Variants in COMMD10 observed in about 807,000 individuals in gnomAD.
COMMD10 encodes COMM domain containing 10, also known as COMM domain-containing protein 10.
Under a neutral mutation model 28.9 loss-of-function variants are expected in COMMD10, and 33 were observed. That is an observed-to-expected ratio of 1.14 (90% CI 0.87 to 1.53). The LOEUF is 1.53. Ranked by LOEUF, COMMD10 falls within the 40% of genes most tolerant of loss-of-function variation. The pLI, the probability that COMMD10 is intolerant of heterozygous loss-of-function variation, is 0.00. For missense variants in COMMD10, 310 were observed against 233.4 expected, an observed-to-expected ratio of 1.33 and a Z score of -2.14; for synonymous variants, 110 against 81.7, an observed-to-expected ratio of 1.35 and a Z score of -1.87.
intron 5 of COMMD10, among the ~76,000 whole-genome samples, chr5:116,149,662 A>G (rs1292741018): frequency 1.3e-5 from 2 of 150,786 alleles, no homozygotes; most frequent in Non-Finnish European, 3.0e-5. Flanking sequence ...TTCTTTTGAG[A>G]AGTGTCTGTT....
intron 4 of COMMD10, among the ~76,000 whole-genome samples, chr5:116,123,127 C>T (rs1751499856): frequency 6.6e-6 from 1 of 151,880 alleles, no homozygotes; most frequent in Admixed American, 6.6e-5. Context: ...TCATAAATAG[C>T]TCTTATTATT....
chr5:116,141,380 C>T (rs1190185195), intron 5 of COMMD10, among the ~76,000 whole-genome samples: 1 of 151,384 alleles, frequency 6.6e-6, no homozygotes, highest in Non-Finnish European at 1.5e-5. Context: ...CTTTGTTTTA[C>T]TTTCTCAAGA....
intron 5 of COMMD10, among the ~76,000 whole-genome samples, chr5:116,243,383 G>T (rs925511709): frequency 6.6e-6 from 1 of 152,040 alleles, no homozygotes. Flanking sequence ...TACATCCACT[G>T]CCAGAAAATA....
At chr5:116,233,660 G>T (rs907035405) in intron 5 of COMMD10, among the ~76,000 whole-genome samples, 2 of 152,142 alleles carry the variant, frequency 1.3e-5, no homozygotes, top group Non-Finnish European at 2.9e-5. Context: ...GATAAACCAC[G>T]AGGAATGTTC....
chr5:116,218,476 T>C (rs1265439045), intron 5 of COMMD10, among the ~76,000 whole-genome samples: 4 of 152,224 alleles, frequency 2.6e-5, no homozygotes, highest in Non-Finnish European at 4.4e-5. Flanking sequence ...TTTATTACTT[T>C]TCACTGTTAA....
intron 5 of COMMD10, among the ~76,000 whole-genome samples, chr5:116,162,128 T>G (rs977542960): frequency 1.3e-5 from 2 of 152,212 alleles, no homozygotes; most frequent in African/African-American, 2.4e-5. Flanking sequence ...TTAAGTAGAT[T>G]CATTGACCTA....
intron 5 of COMMD10, among the ~76,000 whole-genome samples, chr5:116,180,464 C>A (rs898579038): frequency 2.6e-5 from 4 of 151,814 alleles, no homozygotes; most frequent in Admixed American, 6.6e-5. Context: ...GATTTTTTTC[C>A]TGTATTAGTG....
chr5:116,109,293 A>G (rs34502459), intron 4 of COMMD10, among the ~76,000 whole-genome samples: 12,923 of 152,146 alleles, frequency 0.085, 696 homozygotes, highest in Non-Finnish European at 0.13. Flanking sequence ...AAATATTCCT[A>G]TGTATTTGGC....
At chr5:116,142,864 A>G (rs1031355242) in intron 5 of COMMD10, among the ~76,000 whole-genome samples, 19 of 151,730 alleles carry the variant, frequency 1.3e-4, no homozygotes, top group African/African-American at 3.4e-4. Context: ...ATAATTGCCA[A>G]GATACTTTGA....
intron 5 of COMMD10, among the ~76,000 whole-genome samples, chr5:116,222,104 A>T (rs1346497687): frequency 1.3e-5 from 2 of 152,200 alleles, no homozygotes; most frequent in Non-Finnish European, 2.9e-5. Flanking sequence ...TGTTAATGCC[A>T]TCTGGGATGT....
At chr5:116,214,944 A>T (rs915166881) in intron 5 of COMMD10, among the ~76,000 whole-genome samples, 8 of 152,036 alleles carry the variant, frequency 5.3e-5, no homozygotes, top group African/African-American at 1.9e-4. Flanking sequence ...ATTAGTCACA[A>T]ATTATGGGGC....
intron 5 of COMMD10, among the ~76,000 whole-genome samples, chr5:116,157,437 G>A (rs1752754115): frequency 6.6e-6 from 1 of 152,130 alleles, no homozygotes; most frequent in African/African-American, 2.4e-5. Context: ...GGTCTAGTTT[G>A]GGATGATTTT....
At chr5:116,254,688 T>C (rs1341792001) in intron 5 of COMMD10, among the ~76,000 whole-genome samples, 1 of 151,892 alleles carries the variant, frequency 6.6e-6, no homozygotes, top group Non-Finnish European at 1.5e-5. Flanking sequence ...TCTGATCTTT[T>C]ACATTTGCTG....
chr5:116,274,508 C>T (rs1258164322), intron 5 of COMMD10, among the ~76,000 whole-genome samples: 1 of 151,790 alleles, frequency 6.6e-6, no homozygotes, highest in Non-Finnish European at 1.5e-5. Flanking sequence ...GGCCTGCGGA[C>T]TATCAATCCC....
At chr5:116,100,196 T>G (rs963471835) in intron 4 of COMMD10, among the ~76,000 whole-genome samples, 1 of 152,170 alleles carries the variant, frequency 6.6e-6, no homozygotes, top group Non-Finnish European at 1.5e-5. Flanking sequence ...AGATTTTGGA[T>G]TTTTGGATTA....
chr5:116,255,152 T>G (rs1317321823), intron 5 of COMMD10, among the ~76,000 whole-genome samples: 2 of 151,800 alleles, frequency 1.3e-5, no homozygotes, highest in East Asian at 1.9e-4. Flanking sequence ...ATTTGCTTGG[T>G]AGATCTTCCT....
chr5:116,245,052 G>GAA (rs56658530), intron 5 of COMMD10, among the ~76,000 whole-genome samples: 11,562 of 149,634 alleles, frequency 0.077, 731 homozygotes, highest in African/African-American at 0.18. Context: ...CTGGTTTTTT[G>GAA]AAAAAAAAAA....
At position 116,133,398 on chromosome 5, in the gene COMMD10, A is replaced by C. The variant is rs184959615; in HGVS notation, c.400-670A>C. On this transcript the variant is annotated intron_variant, in intron 4 of 6. Transcript: ENST00000274458. ...AATTTTGCTGTTGTATTAACTAATA[A>C]ATTCAAAGGAAATGTTCTGATTAGT... is the stretch of plus-strand genomic sequence containing the variant. 1.5e-3 allele frequency among the ~76,000 whole-genome samples: 234 copies of C among 152,346 alleles called. 2 individuals carry two copies. Among genetic ancestry groups the C allele is most frequent in the African/African-American group, 5.3e-3 (219 of 41,584 alleles).
At chr5:116,239,613 G>C (rs1412713219) in intron 5 of COMMD10, among the ~76,000 whole-genome samples, 1 of 152,132 alleles carries the variant, frequency 6.6e-6, no homozygotes, top group Non-Finnish European at 1.5e-5. Flanking sequence ...ACATTTAGAA[G>C]ATTCATAAAG....
Sources: allele counts gnomAD v4.1 joint callset (sites outside exome capture counted in the v4.1 genomes callset), GRCh38; gene constraint gnomAD v4.1.1; transcripts MANE v1.5; gene names NCBI Gene and HGNC (gene_info 2026-07-23, HGNC 2026-07-21).